NHS: variants seen among roughly 807,000 people sequenced by gnomAD.
NHS encodes the protein actin remodeling regulator NHS.
NHS carries 5 observed loss-of-function variants against 72.5 expected under a neutral mutation model. The ratio of observed to expected loss-of-function variants is 0.07; its 90% confidence interval spans 0.04 to 0.14. The LOEUF (loss-of-function observed/expected upper bound fraction) is 0.14. Among genes scored for constraint, NHS ranks in the 10% least tolerant of loss-of-function variants. NHS has a pLI of 1.00. For synonymous variants in NHS, 464 were observed against 547.7 expected, an observed-to-expected ratio of 0.85 and a Z score of 2.13; for missense variants, 1,072 against 1,355.7, an observed-to-expected ratio of 0.79 and a Z score of 3.29.
At chrX:17,466,087 T>C (rs1486690788) in intron 1 of NHS, among the ~76,000 whole-genome samples, 1 of 113,419 alleles carries the variant, frequency 8.8e-6, no homozygotes, top group African/African-American at 3.2e-5. Flanking sequence ...GATGTGGTTA[T>C]TGTGGAGGTA....
In NHS at chrX:17,528,283, C is replaced by T. The variant is rs538238533; in HGVS notation, c.565+151961C>T. On this transcript the variant is annotated intron_variant, in intron 1 of 8. Transcript: ENST00000676302. ...GCCTCAAATGTCACCAGTGCCACCA[C>T]AAGGAGCCCCTGATCTAGCAGGTTG... Among the ~76,000 whole-genome samples the T allele has an allele frequency of 2.7e-5, 3 of 112,185 alleles. No homozygotes were observed. The South Asian group carries it at 1.1e-3, about 42-fold the overall frequency.
Position 17,421,616 on chromosome X carries a change from G to A in NHS, c.565+45294G>A, listed in dbSNP as rs939269832. 9.1e-5 allele frequency among the ~76,000 whole-genome samples: 10 copies of A among 109,881 alleles called. No homozygotes were observed. The East Asian group carries it at 1.7e-3, about 19-fold the overall frequency. ...TTTTGAGACAGAGTCTTGCTCTGTC[G>A]CCCATGCTGGAGTGCAGTGGTGTGA... On this transcript the variant is annotated intron_variant, in intron 1 of 8. Transcript: ENST00000676302.
At chrX:17,581,767 A>G (rs1279537830) in intron 1 of NHS, among the ~76,000 whole-genome samples, 1 of 111,553 alleles carries the variant, frequency 9.0e-6, no homozygotes, top group Admixed American at 9.5e-5. Context: ...TGGTGACTTG[A>G]AACTGATGAA....
At chrX:17,377,755 C>T (rs181920004) in intron 1 of NHS, among the ~76,000 whole-genome samples, 20 of 113,332 alleles carry the variant, frequency 1.8e-4, no homozygotes, top group African/African-American at 6.1e-4. Flanking sequence ...ATGATGTGCT[C>T]GATCGGTTTT....
intron 1 of NHS, among the ~76,000 whole-genome samples, chrX:17,495,047 A>G (rs1439171855): frequency 8.9e-6 from 1 of 112,094 alleles, no homozygotes; most frequent in Admixed American, 9.5e-5. Flanking sequence ...GACGTATTCA[A>G]AACAACTGGC....
chrX:17,536,098 G>A (rs2065221779), intron 1 of NHS, among the ~76,000 whole-genome samples: 1 of 111,384 alleles, frequency 9.0e-6, no homozygotes, highest in Non-Finnish European at 1.9e-5. Flanking sequence ...GCTCACGCCT[G>A]TAATCCCAGC....
chrX:17,430,403 TTTCTTTC>T (rs2064689149), intron 1 of NHS, among the ~76,000 whole-genome samples: 1 of 98,473 alleles, frequency 1.0e-5, no homozygotes, highest in African/African-American at 3.8e-5. Flanking sequence ...TTCTTTCTCC[TTTCTTTC>T]TCCTTCCTTC....
chrX:17,383,707 C>T (rs916590956), intron 1 of NHS, among the ~76,000 whole-genome samples: 12 of 111,884 alleles, frequency 1.1e-4, no homozygotes, highest in Non-Finnish European at 2.1e-4. Flanking sequence ...CACCTCCCAC[C>T]GTGTCCCTCC....
chrX:17,653,476 A>T (rs1256171515), intron 1 of NHS, among the ~76,000 whole-genome samples: 1 of 108,837 alleles, frequency 9.2e-6, no homozygotes, highest in Non-Finnish European at 1.9e-5. Context: ...ATCTCATTCA[A>T]ATTTAAGCAA....
At chrX:17,508,031 G>T (rs1189058926) in intron 1 of NHS, among the ~76,000 whole-genome samples, 1 of 111,382 alleles carries the variant, frequency 9.0e-6, no homozygotes, top group Non-Finnish European at 1.9e-5. Context: ...TTTTGGAATT[G>T]TATATTTTTT....
chrX:17,618,474 C>A (rs1028728133), intron 1 of NHS, among the ~76,000 whole-genome samples: 1 of 112,192 alleles, frequency 8.9e-6, no homozygotes, highest in African/African-American at 3.2e-5. Flanking sequence ...AAATAAATAT[C>A]TTCAGAGAGC....
At chrX:17,687,650 G>C (rs999078013) in intron 1 of NHS, 92 bp from the exon 2 acceptor site, 1 of 1,032,543 alleles carries the variant, frequency 9.7e-7, no homozygotes, top group African/African-American at 1.8e-5. Flanking sequence ...ACTCCACCCA[G>C]ACTTTACTCC....
chrX:17,678,877 CTGTG>C (rs2066104619), intron 1 of NHS, among the ~76,000 whole-genome samples: 2 of 109,067 alleles, frequency 1.8e-5, no homozygotes, highest in Non-Finnish European at 3.8e-5. Context: ...TCTTAGCCAT[CTGTG>C]TGTCCCCTAG....
At chrX:17,589,348 T>C (rs1448846336) in intron 1 of NHS, among the ~76,000 whole-genome samples, 1 of 111,297 alleles carries the variant, frequency 9.0e-6, no homozygotes, top group African/African-American at 3.3e-5. Context: ...CCAAAATCCA[T>C]TGTGTCATTC....
chrX:17,678,427 G>A (rs2066100382), intron 1 of NHS, among the ~76,000 whole-genome samples: 1 of 111,585 alleles, frequency 9.0e-6, no homozygotes, highest in Admixed American at 9.6e-5. Context: ...TACAGGAAGC[G>A]TGGCAGCATC....
chrX:17,673,763 G>C (rs757131371), intron 1 of NHS, among the ~76,000 whole-genome samples: 19 of 111,783 alleles, frequency 1.7e-4, no homozygotes, highest in Non-Finnish European at 3.2e-4. Flanking sequence ...ACAGGAAATT[G>C]CTAATATTAA....
At position 17,725,843 on chromosome X, in the gene NHS, G is replaced by A. The variant is rs375002734; in HGVS notation, c.1737G>A (p.Arg579=). The A allele has an allele frequency of 9.1e-6, 11 of 1,209,547 alleles. No individual in the cohort carries two copies. The African/African-American group carries it at 1.9e-4, about 21-fold the overall frequency. Residue 579 remains arginine, a synonymous_variant, in exon 7 of 9, where the codon AGG becomes AGA. Transcript: ENST00000676302. ...LHSPQHKLSE[R]GRSRLSRMAA... is the part of the protein sequence containing the mutation. Reference sequence around the variant, plus strand: ...GCCCCCAGCACAAATTAAGTGAGAGGGGAAGGTCACGTCTGTCCCGAATGG... The same window carrying A: ...GCCCCCAGCACAAATTAAGTGAGAGAGGAAGGTCACGTCTGTCCCGAATGG...
chrX:17,603,038 G>A (rs2065660126), intron 1 of NHS, among the ~76,000 whole-genome samples: 1 of 109,726 alleles, frequency 9.1e-6, no homozygotes, highest in South Asian at 4.0e-4. Flanking sequence ...TAGAGACAAG[G>A]TCTTGGTATG....
chrX:17,730,793 C>T (rs778422993), intron 8 of NHS, among the ~76,000 whole-genome samples: 30 of 111,646 alleles, frequency 2.7e-4, no homozygotes, highest in African/African-American at 8.5e-4. Flanking sequence ...TGTTTTCTTG[C>T]GAGCTTACAG....
Sources: allele counts gnomAD v4.1 joint callset (sites outside exome capture counted in the v4.1 genomes callset), GRCh38; gene constraint gnomAD v4.1.1; transcripts MANE v1.5; gene names NCBI Gene and HGNC (gene_info 2026-07-23, HGNC 2026-07-21).